EYA1: variants seen among roughly 807,000 people sequenced by gnomAD.
EYA1 encodes protein phosphatase EYA1.
In EYA1, 16 loss-of-function variants were observed where a neutral mutation model predicts 82.0. That is an observed-to-expected ratio of 0.20 (90% CI 0.13 to 0.30). EYA1 has a LOEUF of 0.30. EYA1 is among the 10% of genes least tolerant of loss of function. The pLI is 1.00. For missense variants in EYA1, 633 were observed against 730.7 expected (o/e 0.87, Z 1.54); for synonymous variants, 261 against 264.4 (o/e 0.99, Z 0.12).
chr8:71,350,905 C>G (rs1436967157), intron 3 of EYA1, among the ~76,000 whole-genome samples: 2 of 152,222 alleles, frequency 1.3e-5, no homozygotes, highest in Non-Finnish European at 2.9e-5. Flanking sequence ...AAATAAAAAT[C>G]CTTTTAGGGC....
intron 12 of EYA1, among the ~76,000 whole-genome samples, chr8:71,231,745 G>A (rs1233829172): frequency 1.3e-5 from 2 of 152,200 alleles, no homozygotes; most frequent in East Asian, 3.8e-4. Context: ...CTGTGATGTA[G>A]GGACTGCTCC....
Position 71,243,125 on chromosome 8 carries a change from A to T in EYA1, c.1140+1478T>A, listed in dbSNP as rs1812687326. ...GTACAGAGTTTTAAAACAATAGGAAATTACTACAAATTTCTTCTTGATGTT... is the reference window on the plus strand; with the variant it reads ...GTACAGAGTTTTAAAACAATAGGAATTTACTACAAATTTCTTCTTGATGTT... On this transcript the variant is annotated intron_variant, in intron 12 of 17. Coordinates refer to ENST00000340726, the MANE Select transcript of EYA1 (RefSeq NM_000503.6). Among the ~76,000 whole-genome samples, 5 of 152,256 alleles carry T rather than the reference A, an allele frequency of 3.3e-5. No homozygotes were observed. The South Asian group carries it at 1.0e-3, about 32-fold the overall frequency.
chr8:71,312,736 T>C (rs1345578205), intron 7 of EYA1, among the ~76,000 whole-genome samples: 1 of 152,184 alleles, frequency 6.6e-6, no homozygotes, highest in Non-Finnish European at 1.5e-5. Flanking sequence ...TAGGTTCTTA[T>C]CTTTTCAAAG....
chr8:71,488,175 A>G (rs1810711168), intron 2 of EYA1, among the ~76,000 whole-genome samples: 1 of 152,176 alleles, frequency 6.6e-6, no homozygotes, highest in Non-Finnish European at 1.5e-5. Context: ...TCAATGATAT[A>G]CATCAAATAT....
intron 12 of EYA1, among the ~76,000 whole-genome samples, chr8:71,240,998 C>A (rs1222921347): frequency 6.6e-6 from 1 of 152,144 alleles, no homozygotes; most frequent in African/African-American, 2.4e-5. Context: ...TAGGCATCAT[C>A]GTATTGCACA....
intron 6 of EYA1, among the ~76,000 whole-genome samples, chr8:71,318,878 T>C (rs1444552797): frequency 6.6e-6 from 1 of 152,128 alleles, no homozygotes; most frequent in African/African-American, 2.4e-5. Flanking sequence ...ACCTTAACAT[T>C]TAAGTCTTAA....
chr8:71,311,986 G>T (rs1448551079), intron 7 of EYA1, among the ~76,000 whole-genome samples: 1 of 152,176 alleles, frequency 6.6e-6, no homozygotes, highest in Non-Finnish European at 1.5e-5. Flanking sequence ...AGGATCACTT[G>T]GAGCAAATGA....
intron 2 of EYA1, among the ~76,000 whole-genome samples, chr8:71,516,008 T>A (rs1015354219): frequency 6.6e-6 from 1 of 152,256 alleles, no homozygotes; most frequent in East Asian, 1.9e-4. Flanking sequence ...TTAACAGATA[T>A]GTAAACATAA....
intron 2 of EYA1, among the ~76,000 whole-genome samples, chr8:71,426,968 G>A (rs1191642186): frequency 6.6e-6 from 1 of 152,172 alleles, no homozygotes; most frequent in Non-Finnish European, 1.5e-5. Flanking sequence ...GAAATTTGAA[G>A]CCATGACCCA....
intron 11 of EYA1, among the ~76,000 whole-genome samples, chr8:71,250,932 G>A (rs1176337186): frequency 6.6e-6 from 1 of 152,136 alleles, no homozygotes; most frequent in Non-Finnish European, 1.5e-5. Flanking sequence ...TGTTGTCAGT[G>A]AAAAAACAAT....
At chr8:71,359,575 G>A (rs886158354) in intron 1 of EYA1, among the ~76,000 whole-genome samples, 3 of 152,114 alleles carry the variant, frequency 2.0e-5, no homozygotes. Flanking sequence ...AAGCCAAAAA[G>A]TTAATAATGT....
chr8:71,233,583 A>C (rs1188767149), intron 12 of EYA1, among the ~76,000 whole-genome samples: 2 of 151,950 alleles, frequency 1.3e-5, no homozygotes, highest in East Asian at 3.9e-4. Context: ...AAAAAAAGAA[A>C]AAAAAGAAAG....
intron 2 of EYA1, among the ~76,000 whole-genome samples, chr8:71,443,932 C>T (rs1014031329): frequency 1.3e-5 from 2 of 152,200 alleles, no homozygotes; most frequent in African/African-American, 4.8e-5. Context: ...TACCAATGAA[C>T]TTAACTATCT....
At chr8:71,283,061 A>G in intron 9 of EYA1, among the ~76,000 whole-genome samples, 1 of 151,952 alleles carries the variant, frequency 6.6e-6, no homozygotes, top group Non-Finnish European at 1.5e-5. Context: ...TCAAAATAAA[A>G]TCCCAAATCC....
At chr8:71,527,592 G>A (rs1813915225) in intron 2 of EYA1, among the ~76,000 whole-genome samples, 1 of 152,128 alleles carries the variant, frequency 6.6e-6, no homozygotes, top group Non-Finnish European at 1.5e-5. Flanking sequence ...GTGGAAGACT[G>A]GTTCCAAAAC....
intron 12 of EYA1, among the ~76,000 whole-genome samples, chr8:71,227,776 C>G (rs1810732037): frequency 6.6e-6 from 1 of 152,114 alleles, no homozygotes; most frequent in Admixed American, 6.5e-5. Flanking sequence ...TCTTTAACTA[C>G]AAACTATATG....
intron 2 of EYA1, among the ~76,000 whole-genome samples, chr8:71,438,806 G>C (rs1806191216): frequency 6.6e-6 from 1 of 152,206 alleles, no homozygotes; most frequent in African/African-American, 2.4e-5. Context: ...AAGATCTCTA[G>C]CTGCTGCTTA....
At chr8:71,353,362 C>T (rs1826498293) in intron 3 of EYA1, among the ~76,000 whole-genome samples, 1 of 152,182 alleles carries the variant, frequency 6.6e-6, no homozygotes, top group Non-Finnish European at 1.5e-5. Context: ...ATAAAATCCA[C>T]TTACACACTA....
In EYA1 at chr8:71,299,599, A is replaced by C. The variant is rs3779747; in HGVS notation, c.639+39T>G. 419,353 of 1,078,240 alleles carry C rather than the reference A, an allele frequency of 0.39. 86,273 individuals are homozygous for C. The highest frequency in any genetic ancestry group is 0.71 in the East Asian group (30,253 of 42,318). 66.8% of individuals were successfully genotyped at this position (1,078,240 alleles called of 1,614,324 possible). Reference sequence around the variant, plus strand: ...ACATAAGAAAATCATGTTGCATTTAAAGATATTTTTCAGAAGTTAAACTGG... The same window carrying C: ...ACATAAGAAAATCATGTTGCATTTACAGATATTTTTCAGAAGTTAAACTGG... On this transcript the variant is annotated intron_variant, in intron 8 of 17. Coordinates refer to ENST00000340726, the MANE Select transcript of EYA1 (RefSeq NM_000503.6).
Sources: allele counts gnomAD v4.1 joint callset (sites outside exome capture counted in the v4.1 genomes callset), GRCh38; gene constraint gnomAD v4.1.1; transcripts MANE v1.5; gene names NCBI Gene and HGNC (gene_info 2026-07-23, HGNC 2026-07-21).